Variants in PPARGC1A observed in about 807,000 individuals in gnomAD.
PPARGC1A encodes PPARG coactivator 1 alpha.
PPARGC1A carries 25 observed loss-of-function variants against 88.7 expected under a neutral mutation model. That is an observed-to-expected ratio of 0.28 (90% CI 0.21 to 0.39). The LOEUF is 0.39. Among genes scored for constraint, PPARGC1A ranks in the 10% least tolerant of loss-of-function variants. PPARGC1A has a pLI of 1.00. For synonymous variants in PPARGC1A, 363 were observed against 355.6 expected (o/e 1.02, Z -0.24); for missense variants, 880 against 968.7 (o/e 0.91, Z 1.22).
chr4:24,466,563 T>C, the PPARGC1A span, among the ~76,000 whole-genome samples: 1 of 151,954 alleles, frequency 6.6e-6, no homozygotes, highest in Non-Finnish European at 1.5e-5. Context: ...GTTATGGAGA[T>C]TAAATGAGTC....
At chr4:23,919,457 A>G in the PPARGC1A span, among the ~76,000 whole-genome samples, 1 of 151,556 alleles carries the variant, frequency 6.6e-6, no homozygotes, top group Non-Finnish European at 1.5e-5. Context: ...CTACCATCCT[A>G]TGATTTTACA....
At chr4:23,974,519 T>C in the PPARGC1A span, among the ~76,000 whole-genome samples, 2 of 152,208 alleles carry the variant, frequency 1.3e-5, no homozygotes, top group Non-Finnish European at 2.9e-5. Flanking sequence ...TTATTTCCTC[T>C]CACTTACATA....
chr4:23,964,235 G>C, the PPARGC1A span, among the ~76,000 whole-genome samples: 2 of 152,078 alleles, frequency 1.3e-5, no homozygotes, highest in African/African-American at 4.8e-5. Flanking sequence ...AGAAAATTAA[G>C]GCACAGAGAG....
chr4:24,199,995 T>C, the PPARGC1A span, among the ~76,000 whole-genome samples: 1 of 152,144 alleles, frequency 6.6e-6, no homozygotes, highest in South Asian at 2.1e-4. Context: ...AATAGGAATC[T>C]ATTAACAGAC....
intron 2 of PPARGC1A, among the ~76,000 whole-genome samples, chr4:23,879,706 C>T (rs369097807): frequency 1.1e-3 from 161 of 152,232 alleles, no homozygotes; most frequent in South Asian, 4.6e-3. Context: ...TCTGATTTTC[C>T]GTATTTCCTA....
the PPARGC1A span, among the ~76,000 whole-genome samples, chr4:24,364,235 A>G: frequency 1.1e-3 from 164 of 152,350 alleles, no homozygotes; most frequent in Non-Finnish European, 1.3e-3. Context: ...AGGCTTATTC[A>G]TAATAAAGAC....
At chr4:24,332,137 G>C in the PPARGC1A span, among the ~76,000 whole-genome samples, 14 of 151,400 alleles carry the variant, frequency 9.2e-5, no homozygotes, top group Admixed American at 7.9e-4. Flanking sequence ...TTATTGTTTT[G>C]TTTTGTTTTC....
the PPARGC1A span, among the ~76,000 whole-genome samples, chr4:24,353,783 T>A: frequency 6.6e-6 from 1 of 152,192 alleles, no homozygotes; most frequent in Non-Finnish European, 1.5e-5. Flanking sequence ...GTGGGAATTC[T>A]TTGAAACACA....
the PPARGC1A span, among the ~76,000 whole-genome samples, chr4:24,144,499 T>G: frequency 6.6e-6 from 1 of 151,856 alleles, no homozygotes; most frequent in Non-Finnish European, 1.5e-5. Flanking sequence ...GGCTTGGATA[T>G]TCACATTCAG....
At chr4:23,907,526 C>T (rs901204802), upstream of PPARGC1A, among the ~76,000 whole-genome samples, 5 of 152,240 alleles carry the variant, frequency 3.3e-5, no homozygotes, top group Admixed American at 6.5e-5. Flanking sequence ...AGTGTGAAGT[C>T]CACTTCAGTA....
At chr4:24,287,410 C>T in the PPARGC1A span, among the ~76,000 whole-genome samples, 1 of 152,044 alleles carries the variant, frequency 6.6e-6, no homozygotes, top group Non-Finnish European at 1.5e-5. Flanking sequence ...AATGTTTAAG[C>T]CACTTAATAT....
the PPARGC1A span, among the ~76,000 whole-genome samples, chr4:24,387,824 G>GAAAGAA: frequency 6.2e-5 from 4 of 64,990 alleles, no homozygotes; most frequent in East Asian, 2.0e-3. Flanking sequence ...AAGAAAGAAA[G>GAAAGAA]AGAGAAAGAG....
At chr4:24,241,357 T>C in the PPARGC1A span, among the ~76,000 whole-genome samples, 4 of 152,222 alleles carry the variant, frequency 2.6e-5, no homozygotes, top group South Asian at 4.1e-4. Context: ...AGTTAAACAA[T>C]AGACTTGAAC....
chr4:24,140,077 A>T, the PPARGC1A span, among the ~76,000 whole-genome samples: 1 of 152,090 alleles, frequency 6.6e-6, no homozygotes, highest in Admixed American at 6.6e-5. Context: ...TCATGGGGAG[A>T]GAGGGTTGCT....
chr4:24,383,096 T>A, the PPARGC1A span, among the ~76,000 whole-genome samples: 6 of 152,040 alleles, frequency 3.9e-5, no homozygotes, highest in Non-Finnish European at 8.8e-5. Context: ...GGGTCTGGAG[T>A]GGACCTCCAG....
At chr4:24,441,074 T>C in the PPARGC1A span, among the ~76,000 whole-genome samples, 10 of 152,146 alleles carry the variant, frequency 6.6e-5, no homozygotes, top group African/African-American at 2.4e-4. Flanking sequence ...AGATTTGCAA[T>C]AACATAAAAA....
chr4:24,202,837 T>C, the PPARGC1A span, among the ~76,000 whole-genome samples: 4 of 152,148 alleles, frequency 2.6e-5, no homozygotes, highest in Non-Finnish European at 5.9e-5. Flanking sequence ...CCTGCCCCTA[T>C]TTCAGAAAAG....
chr4:24,142,763 GT>G, the PPARGC1A span, among the ~76,000 whole-genome samples: 1 of 152,134 alleles, frequency 6.6e-6, no homozygotes. Context: ...AGGAGATTAG[GT>G]TCATGTGGGT....
the PPARGC1A span, among the ~76,000 whole-genome samples, chr4:24,085,138 T>C: frequency 6.6e-6 from 1 of 151,998 alleles, no homozygotes; most frequent in African/African-American, 2.4e-5. Context: ...AATCCTTCCC[T>C]GAGAACAGGA....
Sources: allele counts gnomAD v4.1 joint callset (sites outside exome capture counted in the v4.1 genomes callset), GRCh38; gene constraint gnomAD v4.1.1; transcripts MANE v1.5; gene names NCBI Gene and HGNC (gene_info 2026-07-23, HGNC 2026-07-21).